Variants in ASAP1 observed in about 807,000 individuals in gnomAD.
The protein encoded by ASAP1 is arf-GAP with SH3 domain, ANK repeat and PH domain-containing protein 1.
Under a neutral mutation model 145.2 loss-of-function variants are expected in ASAP1, and 43 were observed. The ratio of observed to expected loss-of-function variants is 0.30; its 90% CI spans 0.23 to 0.38. The LOEUF (loss-of-function observed/expected upper bound fraction) is 0.38. ASAP1 is among the 10% of genes least tolerant of loss of function. ASAP1 has a pLI of 1.00. For synonymous variants in ASAP1, 546 were observed against 515.5 expected, an observed-to-expected ratio of 1.06 and a Z score of -0.80; for missense variants, 1,018 against 1,355.3, an observed-to-expected ratio of 0.75 and a Z score of 3.91.
chr8:130,058,180 G>A lies in ASAP1; in HGVS notation c.3193-104C>T, dbSNP rs575984349. 756 of 1,273,376 alleles carry A rather than the reference G, an allele frequency of 5.9e-4. 2 individuals are homozygous for A. The highest frequency in any genetic ancestry group is 7.3e-4 in the Non-Finnish European group (657 of 896,508). The allele number at this position is 1,273,376 out of a possible 1,614,324, so 78.9% of individuals were successfully genotyped here. A position where few individuals can be genotyped will look rare whatever the true frequency, so the allele number is the denominator to read the frequency against. On this transcript the variant is annotated intron_variant, in intron 28 of 29. Coordinates refer to ENST00000518721, the MANE Select transcript of ASAP1 (RefSeq NM_018482.4). ...TGACCTTGGCCAGTAACTTAACCTCGCTGAGCCTTGATTTCCTCACCCTTG... is the reference window on the plus strand; with the variant it reads ...TGACCTTGGCCAGTAACTTAACCTCACTGAGCCTTGATTTCCTCACCCTTG...
chr8:130,374,753 G>A (rs1827401624), intron 2 of ASAP1, among the ~76,000 whole-genome samples: 1 of 152,220 alleles, frequency 6.6e-6, no homozygotes. Flanking sequence ...AGCTTCCACA[G>A]GAGGTGCCCA....
intron 3 of ASAP1, among the ~76,000 whole-genome samples, chr8:130,336,679 A>G (rs1249639393): frequency 9.9e-5 from 15 of 152,252 alleles, no homozygotes; most frequent in Non-Finnish European, 2.2e-4. Flanking sequence ...TGAGAGGAGC[A>G]TGGTAAAGCC....
At chr8:130,169,338 G>A (rs909512030) in intron 9 of ASAP1, among the ~76,000 whole-genome samples, 2 of 152,210 alleles carry the variant, frequency 1.3e-5, no homozygotes, top group African/African-American at 2.4e-5. Context: ...AATTACAGTT[G>A]CAGTCCCAAA....
intron 4 of ASAP1, among the ~76,000 whole-genome samples, chr8:130,231,401 G>A (rs1244589085): frequency 6.6e-6 from 1 of 151,726 alleles, no homozygotes; most frequent in Non-Finnish European, 1.5e-5. Flanking sequence ...TTTTTTTCCT[G>A]CCCAGAAATA....
At chr8:130,323,401 T>C (rs1284551126) in intron 3 of ASAP1, among the ~76,000 whole-genome samples, 1 of 152,168 alleles carries the variant, frequency 6.6e-6, no homozygotes, top group Non-Finnish European at 1.5e-5. Flanking sequence ...CCTTTAAAAC[T>C]GTAACCAACA....
chr8:130,294,775 T>C (rs1046187323), intron 3 of ASAP1, among the ~76,000 whole-genome samples: 3 of 152,214 alleles, frequency 2.0e-5, no homozygotes, highest in African/African-American at 7.2e-5. Flanking sequence ...CTAGCAGCCA[T>C]TTAAAGTCAC....
intron 3 of ASAP1, among the ~76,000 whole-genome samples, chr8:130,248,042 C>G (rs1400816614): frequency 1.3e-5 from 2 of 152,078 alleles, no homozygotes; most frequent in Admixed American, 1.3e-4. Flanking sequence ...CTGAGAGTGA[C>G]TGATTGGTAG....
chr8:130,434,756 A>T (rs1283026833), intron 1 of ASAP1, among the ~76,000 whole-genome samples: 1 of 152,136 alleles, frequency 6.6e-6, no homozygotes, highest in Non-Finnish European at 1.5e-5. Flanking sequence ...TCCATCCCAG[A>T]ACGGCTCTCT....
At chr8:130,209,804 TGAAA>T (rs1428094610) in intron 5 of ASAP1, among the ~76,000 whole-genome samples, 7 of 152,072 alleles carry the variant, frequency 4.6e-5, no homozygotes, top group African/African-American at 1.7e-4. Flanking sequence ...CCTTTTTTTT[TGAAA>T]GAAAGACTAG....
intron 24 of ASAP1, among the ~76,000 whole-genome samples, chr8:130,092,914 C>CT (rs2097508525): frequency 6.9e-6 from 1 of 144,858 alleles, no homozygotes; most frequent in Admixed American, 7.1e-5. Context: ...TTCTTCTAGT[C>CT]AGCAAACTGC....
At position 130,076,395 on chromosome 8, in the gene ASAP1, G is replaced by A. The variant is rs2097462351; in HGVS notation, c.2654C>T (p.Ala885Val). 1.2e-6 allele frequency: 2 copies of A among 1,610,866 alleles called. No homozygotes were observed. Among genetic ancestry groups the A allele is most frequent in the African/African-American group, 1.3e-5 (1 of 74,836 alleles). ...AACTCTTGGGCCAAGGGCAGTCTTT[G>A]CAGAACTGGTGCTAATCAACAAATA... ...GLSQQSSTSS[A>V]KTALGPRVLP... Residue 885 changes from alanine (A) to valine (V), a missense_variant, in exon 27 of 30, where the codon GCA becomes GTA. Ala to Val is a moderately conservative substitution (Grantham distance 64, BLOSUM62 0). Coordinates refer to ENST00000518721, the MANE Select transcript of ASAP1 (RefSeq NM_018482.4).
At chr8:130,263,915 T>C (rs571647392) in intron 3 of ASAP1, among the ~76,000 whole-genome samples, 1 of 152,242 alleles carries the variant, frequency 6.6e-6, no homozygotes, top group South Asian at 2.1e-4. Flanking sequence ...TAAAGTAACG[T>C]AGACAATAAT....
intron 3 of ASAP1, among the ~76,000 whole-genome samples, chr8:130,335,711 C>T (rs950764287): frequency 1.3e-5 from 2 of 152,174 alleles, no homozygotes; most frequent in African/African-American, 2.4e-5. Flanking sequence ...GTGTCTCCCA[C>T]ACCACCCCAC....
At chr8:130,159,016 C>A (rs2097663646) in intron 12 of ASAP1, among the ~76,000 whole-genome samples, 1 of 151,944 alleles carries the variant, frequency 6.6e-6, no homozygotes, top group Admixed American at 6.6e-5. Context: ...CAGGCGTGAG[C>A]CACCGCGCCC....
At chr8:130,209,055 A>G (rs989682414) in intron 5 of ASAP1, among the ~76,000 whole-genome samples, 2 of 152,208 alleles carry the variant, frequency 1.3e-5, no homozygotes, top group African/African-American at 4.8e-5. Flanking sequence ...TCTTTTTATA[A>G]TACAAAGTCC....
At chr8:130,380,090 C>A (rs752628319) in intron 2 of ASAP1, among the ~76,000 whole-genome samples, 39 of 152,172 alleles carry the variant, frequency 2.6e-4, no homozygotes, top group Non-Finnish European at 4.4e-4. Context: ...TTGGGCACCC[C>A]AGGTCTCAGG....
chr8:130,352,793 T>A (rs753003593), intron 3 of ASAP1, among the ~76,000 whole-genome samples: 2 of 152,206 alleles, frequency 1.3e-5, no homozygotes, highest in African/African-American at 4.8e-5. Context: ...GTTACTGTTA[T>A]GAGATAGAGC....
At chr8:130,248,457 T>G (rs1333790132) in intron 3 of ASAP1, among the ~76,000 whole-genome samples, 1 of 151,970 alleles carries the variant, frequency 6.6e-6, no homozygotes, top group East Asian at 1.9e-4. Context: ...CTGAAACAAG[T>G]GGCCACAGGA....
intron 24 of ASAP1, among the ~76,000 whole-genome samples, chr8:130,099,419 A>G (rs563340400): frequency 2.0e-5 from 3 of 152,076 alleles, no homozygotes; most frequent in African/African-American, 7.2e-5. Flanking sequence ...TGACCTCGTG[A>G]TCCGCCCATC....
Sources: allele counts gnomAD v4.1 joint callset (sites outside exome capture counted in the v4.1 genomes callset), GRCh38; gene constraint gnomAD v4.1.1; transcripts MANE v1.5; gene names NCBI Gene and HGNC (gene_info 2026-07-23, HGNC 2026-07-21).